FNTB: variants seen among roughly 807,000 people sequenced by gnomAD.
FNTB encodes farnesyltransferase, CAAX box, subunit beta.
Under a neutral mutation model 59.4 loss-of-function variants are expected in FNTB, and 27 were observed. That is an observed-to-expected ratio of 0.45 (90% CI 0.34 to 0.63). The LOEUF (loss-of-function observed/expected upper bound fraction) is 0.63. Ranked by LOEUF, FNTB falls within the 20% of genes least tolerant of loss-of-function variation. FNTB has a pLI of 0.02. For missense variants in FNTB, 449 were observed against 559.6 expected, an observed-to-expected ratio of 0.80 and a Z score of 1.99; for synonymous variants, 230 against 220.7, an observed-to-expected ratio of 1.04 and a Z score of -0.37.
intron 9 of FNTB, among the ~76,000 whole-genome samples, chr14:65,051,602 CTCTG>C (rs1479574908): frequency 6.6e-6 from 1 of 150,876 alleles, no homozygotes; most frequent in Non-Finnish European, 1.5e-5. Context: ...CAGAGTGAGA[CTCTG>C]TCTCAAAAAA....
rs1187661385 is a variant in FNTB, at chr14:64,991,247, A to G, written c.144+4150A>G. Among the ~76,000 whole-genome samples, 2 of 152,182 alleles carry G rather than the reference A, an allele frequency of 1.3e-5. No individual in the cohort carries two copies. Among genetic ancestry groups the G allele is most frequent in the African/African-American group, 4.8e-5 (2 of 41,444 alleles). ...TGACTTGAACTCTGAGGGGAATATA[A>G]GAGAATTATTAGTCTTGATCCCTGC... On this transcript the variant is annotated intron_variant, in intron 1 of 11. Coordinates refer to ENST00000246166, the MANE Select transcript of FNTB (RefSeq NM_002028.4). This position sits in a 1 kb window ranked among gnomAD's most constrained non-coding sequence, Gnocchi z 4.4.
intron 10 of FNTB, 126 bp downstream of exon 10, chr14:65,053,475 A>G: frequency 1.2e-6 from 1 of 825,640 alleles, no homozygotes. Context: ...GCATAGCGCT[A>G]GGTTGTATGG....
At chr14:65,035,741 C>A (rs1007600268) in intron 7 of FNTB, among the ~76,000 whole-genome samples, 1 of 151,918 alleles carries the variant, frequency 6.6e-6, no homozygotes, top group Non-Finnish European at 1.5e-5. Context: ...TCTGTGTTGT[C>A]CAGGTGGGGC....
intron 1 of FNTB, among the ~76,000 whole-genome samples, chr14:64,996,123 CAAAA>C (rs60137057): frequency 6.1e-5 from 5 of 82,522 alleles, no homozygotes; most frequent in African/African-American, 4.3e-5. Flanking sequence ...AACTCTGTCT[CAAAA>C]AAAAAAAAAA....
Position 65,027,258 on chromosome 14 carries a change from A to T in FNTB, c.375-195A>T. The T allele has an allele frequency of 2.4e-6, 2 of 836,984 alleles. No individual in the cohort carries two copies. Among genetic ancestry groups the T allele is most frequent in the Non-Finnish European group, 3.6e-6 (2 of 554,388 alleles). The allele number at this position is 836,984 out of a possible 1,614,324, so 51.8% of individuals were successfully genotyped here. A position where few individuals can be genotyped will look rare whatever the true frequency, so the allele number is the denominator to read the frequency against. Reference sequence around the variant, plus strand: ...TTAAGTACGAAACTCAGAGGAGGGCAGACAGAAATGATGATAGCTGGAGAG... The same window carrying T: ...TTAAGTACGAAACTCAGAGGAGGGCTGACAGAAATGATGATAGCTGGAGAG... On this transcript the variant is annotated intron_variant, in intron 4 of 11. Transcript: ENST00000246166. This position sits in a 1 kb window ranked among gnomAD's most constrained non-coding sequence, Gnocchi z 5.7.
chr14:65,054,963 T>C lies in FNTB; in HGVS notation c.1182+274T>C, dbSNP rs770367674. 2.0e-5 allele frequency among the ~76,000 whole-genome samples: 3 copies of C among 152,208 alleles called. No individual in the cohort carries two copies. Among genetic ancestry groups the C allele is most frequent in the Non-Finnish European group, 4.4e-5 (3 of 68,044 alleles). On this transcript the variant is annotated intron_variant, in intron 11 of 11. Transcript: ENST00000246166. This position sits in a 1 kb window ranked among gnomAD's most constrained non-coding sequence, Gnocchi z 4.4. ...TGAGGACCTAGCCCACTGCTGGTAT[T>C]AGCTTCCCCTAGAGGAGGCCACAGT...
At chr14:65,002,240 C>A (rs1176884538) in intron 1 of FNTB, among the ~76,000 whole-genome samples, 1 of 152,242 alleles carries the variant, frequency 6.6e-6, no homozygotes, top group East Asian at 1.9e-4. Flanking sequence ...CATTACTATA[C>A]CTTGTATACA....
rs74485590 is a variant in FNTB, at chr14:65,001,017, T to C, written c.145-3232T>C. On this transcript the variant is annotated intron_variant, in intron 1 of 11. Coordinates refer to ENST00000246166, the MANE Select transcript of FNTB (RefSeq NM_002028.4). This position sits in a 1 kb window ranked among gnomAD's most constrained non-coding sequence, Gnocchi z 5.5. The stretch of plus-strand genomic sequence containing the variant: ...GGCAGCTAGGGAGGAATGAAATGCC[T>C]TTAAACAACTGCCCCCGGACATGGG... 1.1e-3 allele frequency among the ~76,000 whole-genome samples: 162 copies of C among 152,146 alleles called. 8 individuals are homozygous for C. The South Asian group carries it at 0.022, about 21-fold the overall frequency.
At chr14:65,036,826 C>A (rs2062203129) in intron 7 of FNTB, among the ~76,000 whole-genome samples, 2 of 151,960 alleles carry the variant, frequency 1.3e-5, no homozygotes, top group Non-Finnish European at 1.5e-5. Flanking sequence ...TTAGTAGAGA[C>A]AGGGTCTCGT....
At chr14:65,004,119 C>T (rs1466035278) in intron 1 of FNTB, 130 bp from the exon 2 acceptor site, 1 of 884,528 alleles carries the variant, frequency 1.1e-6, no homozygotes, top group Admixed American at 2.5e-5. Flanking sequence ...ACCCATCTTA[C>T]AGTACTGTGA....
At chr14:65,033,963 A>G (rs2062139521) in intron 7 of FNTB, among the ~76,000 whole-genome samples, 1 of 152,248 alleles carries the variant, frequency 6.6e-6, no homozygotes, top group Admixed American at 6.5e-5. Context: ...TCAAAGTAGT[A>G]TGTATTACCA....
At chr14:64,998,839 T>C (rs888397306) in intron 1 of FNTB, among the ~76,000 whole-genome samples, 3 of 152,228 alleles carry the variant, frequency 2.0e-5, no homozygotes, top group Non-Finnish European at 4.4e-5. Context: ...CTGGAGAACC[T>C]GTTTCTTGAG....
At chr14:65,059,837 C>CTTTTTTTTTT (rs34459085) in intron 11 of FNTB, among the ~76,000 whole-genome samples, 2 of 134,242 alleles carry the variant, frequency 1.5e-5, no homozygotes, top group African/African-American at 5.6e-5. Context: ...GTCCTTTTTT[C>CTTTTTTTTTT]TTTTTTTTTT....
In FNTB at chr14:65,001,383, G is replaced by A. The variant is rs1247265693; in HGVS notation, c.145-2866G>A. Among the ~76,000 whole-genome samples, 1 of 152,128 alleles carries A rather than the reference G, an allele frequency of 6.6e-6. No homozygotes were observed. Among genetic ancestry groups the A allele is most frequent in the Non-Finnish European group, 1.5e-5 (1 of 68,020 alleles). On this transcript the variant is annotated intron_variant, in intron 1 of 11. Transcript: ENST00000246166. This position sits in a 1 kb window ranked among gnomAD's most constrained non-coding sequence, Gnocchi z 5.5. ...CAGTAATATGCTGTACAGGTCTGTG[G>A]CCCAGGAGCAGTAGGCCACACTATA...
chr14:65,025,795 G>A (rs1479296591), intron 4 of FNTB, among the ~76,000 whole-genome samples: 1 of 152,130 alleles, frequency 6.6e-6, no homozygotes, highest in Non-Finnish European at 1.5e-5. Context: ...CAGCCTGGCC[G>A]ACAGAGTAAG....
rs1266048241 is a variant in FNTB, at chr14:65,031,076, G to A, written c.606-1534G>A. Among the ~76,000 whole-genome samples the A allele has an allele frequency of 1.3e-5, 2 of 152,060 alleles. No homozygotes were observed. The highest frequency in any genetic ancestry group is 6.6e-5 in the Admixed American group (1 of 15,254). On this transcript the variant is annotated intron_variant, in intron 6 of 11. Transcript: ENST00000246166. The surrounding 1 kb of genome is among the most constrained non-coding windows in gnomAD (Gnocchi z 4.6). ...ACCTGCCTTAGCCTCCCAAAGTGCT[G>A]GGATTACAGGCATGAGCTACCATGC...
chr14:65,039,336 G>A (rs17102391), intron 7 of FNTB, among the ~76,000 whole-genome samples: 17,043 of 152,208 alleles, frequency 0.11, 1,287 homozygotes, highest in East Asian at 0.3. Context: ...TGACTCTCAC[G>A]TAATCACATT....
At chr14:65,024,017 A>T (rs2061934952) in intron 4 of FNTB, among the ~76,000 whole-genome samples, 1 of 151,614 alleles carries the variant, frequency 6.6e-6, no homozygotes, top group Admixed American at 6.6e-5. Flanking sequence ...GAGGAGAATC[A>T]CTTGAACCCA....
chr14:65,040,525 C>T (rs1595075721), intron 7 of FNTB, among the ~76,000 whole-genome samples: 2 of 151,486 alleles, frequency 1.3e-5, no homozygotes, highest in East Asian at 1.9e-4. Flanking sequence ...ACTGCAGCCT[C>T]GAACTCCTCG....
Sources: gnomAD v4.1 joint callset for allele counts (sites outside exome capture counted in the v4.1 genomes callset) on GRCh38, gnomAD v4.1.1 for gene constraint, Gnocchi (gnomAD v3.1) non-coding constraint, MANE v1.5 for transcripts, NCBI Gene and HGNC (gene_info 2026-07-23, HGNC 2026-07-21) for gene names.